WDR27: variants seen among roughly 807,000 people sequenced by gnomAD.
WDR27 encodes the protein WD repeat domain 27.
In WDR27, 100 loss-of-function variants were observed where a neutral mutation model predicts 114.4. That is an observed-to-expected ratio of 0.87 (90% CI 0.74 to 1.03). The LOEUF is 1.03. WDR27 is among the 50% of genes least tolerant of loss of function. The probability of loss-of-function intolerance (pLI) is 0.00; values close to 1 mark genes in which losing one functional copy is unlikely to be tolerated. For missense variants in WDR27, 1,129 were observed against 1,092.9 expected (o/e 1.03, Z -0.47); for synonymous variants, 449 against 423.1 (o/e 1.06, Z -0.75).
chr6:169,445,575 T>C, the WDR27 span, among the ~76,000 whole-genome samples: 1 of 152,234 alleles, frequency 6.6e-6, no homozygotes, highest in Non-Finnish European at 1.5e-5. Flanking sequence ...CTGTGAACAT[T>C]AGCTATTATT....
At chr6:169,656,688 C>T (rs757627546) in intron 13 of WDR27, among the ~76,000 whole-genome samples, 46 of 151,900 alleles carry the variant, frequency 3.0e-4, no homozygotes, top group Non-Finnish European at 6.5e-4. Flanking sequence ...CAGGAGGAGG[C>T]GACAGCTCCC....
At chr6:169,588,879 A>G (rs1042552478) in intron 23 of WDR27, among the ~76,000 whole-genome samples, 6 of 152,124 alleles carry the variant, frequency 3.9e-5, no homozygotes, top group Non-Finnish European at 8.8e-5. Context: ...TGAAATCTCC[A>G]TTTTTTTATT....
intron 25 of WDR27, among the ~76,000 whole-genome samples, chr6:169,560,518 C>T (rs1221568849): frequency 6.6e-6 from 1 of 152,178 alleles, no homozygotes; most frequent in Non-Finnish European, 1.5e-5. Context: ...GGGAGGCTGC[C>T]CAAGCCTGAC....
chr6:169,581,396 G>A (rs1803397418), intron 24 of WDR27, among the ~76,000 whole-genome samples: 1 of 151,862 alleles, frequency 6.6e-6, no homozygotes, highest in African/African-American at 2.4e-5. Flanking sequence ...CCATCTCACT[G>A]CCCAAATGCT....
Position 169,582,932 on chromosome 6 carries a change from A to C in WDR27, c.2427T>G (p.Ala809=). Residue 809 remains alanine, a splice_region_variant and synonymous_variant, in exon 24 of 26, where the codon GCT becomes GCG. Transcript: ENST00000448612. ...FAACGAEDRH[A]YVYEMGSSTF... ...TGCTTGAGCCCATTTCATACACGTAAGCCTACAAGACAAGATGAGCAGGTG... is the reference window on the plus strand; with the variant it reads ...TGCTTGAGCCCATTTCATACACGTACGCCTACAAGACAAGATGAGCAGGTG... 1 of 1,613,804 alleles carries C rather than the reference A, an allele frequency of 6.2e-7. No individual in the cohort carries two copies. Among genetic ancestry groups the C allele is most frequent in the East Asian group, 2.2e-5 (1 of 44,874 alleles).
At position 169,688,828 on chromosome 6, in the gene WDR27, G is replaced by C. The variant is rs561673923; in HGVS notation, c.178C>G (p.Pro60Ala). The C allele has an allele frequency of 6.2e-6, 10 of 1,606,650 alleles. No individual in the cohort carries two copies. Among genetic ancestry groups the C allele is most frequent in the Non-Finnish European group, 8.5e-6 (10 of 1,177,108 alleles). Reference protein sequence around the residue: ...TELCIWNTKDPSHQLLILRGH... With the variant: ...TELCIWNTKDASHQLLILRGH... ...AACTCGTTCAATACCTGATGAGAAG[G>C]ATCCTTAGTGTTCCATATACAAAGT... Residue 60 changes from proline to alanine, a missense_variant, in exon 2 of 26, where the codon CCT becomes GCT. Transcript: ENST00000448612.
At chr6:169,590,859 C>T (rs374637661) in intron 23 of WDR27, among the ~76,000 whole-genome samples, 190 of 152,288 alleles carry the variant, frequency 1.2e-3, no homozygotes, top group Middle Eastern at 3.4e-3. Context: ...TCTGTGTCTA[C>T]GCTCCATGTT....
At chr6:169,638,452 T>G in intron 18 of WDR27, 87 bp downstream of exon 18, 3 of 1,498,018 alleles carry the variant, frequency 2.0e-6, no homozygotes, top group Admixed American at 2.1e-5. Context: ...TTTCCTCATC[T>G]CCTGTTAAGG....
At chr6:169,590,777 C>T (rs1039353043) in intron 23 of WDR27, among the ~76,000 whole-genome samples, 8 of 152,236 alleles carry the variant, frequency 5.3e-5, no homozygotes, top group African/African-American at 1.4e-4. Context: ...TACCACCCAC[C>T]GGTCTAACCA....
intron 23 of WDR27, among the ~76,000 whole-genome samples, chr6:169,598,802 C>T (rs1252846802): frequency 1.3e-5 from 2 of 152,190 alleles, no homozygotes; most frequent in Non-Finnish European, 2.9e-5. Flanking sequence ...TCATCTCAGA[C>T]TTCTGGCCTC....
chr6:169,509,815 A>G (rs1242954198), intron 25 of WDR27, among the ~76,000 whole-genome samples: 2 of 152,252 alleles, frequency 1.3e-5, no homozygotes, highest in Non-Finnish European at 2.9e-5. Flanking sequence ...CTGCACAGCA[A>G]AAGAAACCAC....
intron 23 of WDR27, among the ~76,000 whole-genome samples, chr6:169,585,583 TAAAC>T (rs1043830652): frequency 5.7e-4 from 85 of 148,266 alleles, no homozygotes; most frequent in African/African-American, 2.0e-3. Context: ...ACCAATAACA[TAAAC>T]AATCAATTAC....
intron 23 of WDR27, among the ~76,000 whole-genome samples, chr6:169,599,098 A>G (rs1807414203): frequency 6.6e-6 from 1 of 151,892 alleles, no homozygotes; most frequent in African/African-American, 2.4e-5. Flanking sequence ...TTAACTCGTC[A>G]TTTAACATTA....
chr6:169,531,983 T>C (rs74425657), intron 25 of WDR27, among the ~76,000 whole-genome samples: 2,481 of 152,316 alleles, frequency 0.016, 62 homozygotes, highest in African/African-American at 0.057. Flanking sequence ...CAAAGGCAGA[T>C]CTTGAAGGTT....
chr6:169,502,645 G>A (rs1791472733), intron 25 of WDR27, among the ~76,000 whole-genome samples: 2 of 152,098 alleles, frequency 1.3e-5, no homozygotes. Flanking sequence ...AGGCGGAAGC[G>A]TCTCGTCTCA....
At chr6:169,646,593 C>T (rs7767193) in intron 16 of WDR27, among the ~76,000 whole-genome samples, 4,401 of 151,996 alleles carry the variant, frequency 0.029, 157 homozygotes, top group African/African-American at 0.086. Context: ...ACTAAAAATA[C>T]AAAAATTAGC....
At chr6:169,664,813 A>G in intron 7 of WDR27, 1 of 996,102 alleles carries the variant, frequency 1.0e-6, no homozygotes, top group Non-Finnish European at 1.2e-6. Context: ...AGGTTTTTCA[A>G]CAGTGTGTAA....
chr6:169,574,559 T>C (rs1194883549), intron 24 of WDR27, among the ~76,000 whole-genome samples: 7 of 152,140 alleles, frequency 4.6e-5, no homozygotes, highest in Admixed American at 4.6e-4. Context: ...AAAGCAGGGT[T>C]CCCAGAACGT....
rs1137523 is a variant in WDR27, at chr6:169,701,745, T to G, written c.-202A>C. ...TGGTCCAGAGCGCGCGTGTCCGCCG[T>G]TGGAAGCGGTCACGGCGGAACCCTC... is the stretch of plus-strand genomic sequence containing the variant. On this transcript the variant is annotated 5_prime_UTR_variant, in exon 1 of 26. Coordinates refer to ENST00000448612, the MANE Select transcript of WDR27 (RefSeq NM_182552.5). 4.3e-6 allele frequency: 1 copy of G among 231,272 alleles called. No individual in the cohort carries two copies. The highest frequency in any genetic ancestry group is 8.7e-6 in the Non-Finnish European group (1 of 115,224). The allele number at this position is 231,272 out of a possible 1,614,324, so 14.3% of individuals were successfully genotyped here. A position where few individuals can be genotyped will look rare whatever the true frequency, so the allele number is the denominator to read the frequency against.
Sources: gnomAD v4.1 joint callset for allele counts (sites outside exome capture counted in the v4.1 genomes callset) on GRCh38, gnomAD v4.1.1 for gene constraint, MANE v1.5 for transcripts, NCBI Gene and HGNC (gene_info 2026-07-23, HGNC 2026-07-21) for gene names.